CYYR1: variants seen among roughly 807,000 people sequenced by gnomAD.
CYYR1 encodes the protein cysteine and tyrosine-rich protein 1.
CYYR1 carries 14 observed loss-of-function variants against 15.2 expected under a neutral mutation model. The observed-to-expected ratio is 0.92, with a 90% CI of 0.61 to 1.44. CYYR1 has a LOEUF of 1.44. CYYR1 is among the 40% of genes most tolerant of loss of function. The pLI, the probability that CYYR1 is intolerant of heterozygous loss-of-function variation, is 0.00. For missense variants in CYYR1, 228 were observed against 209.5 expected (o/e 1.09, Z -0.54); for synonymous variants, 80 against 77.4 (o/e 1.03, Z -0.18).
At chr21:26,501,004 T>C (rs2065474192) in intron 2 of CYYR1, among the ~76,000 whole-genome samples, 1 of 152,146 alleles carries the variant, frequency 6.6e-6, no homozygotes, top group Non-Finnish European at 1.5e-5. Flanking sequence ...AGGATGGACA[T>C]TTCATCCAGG....
rs758940931 is a variant in CYYR1, at chr21:26,573,013, A to G, written c.-73T>C. 6.2e-7 allele frequency: 1 copy of G among 1,610,822 alleles called. No individual in the cohort carries two copies. The highest frequency in any genetic ancestry group is 8.5e-7 in the Non-Finnish European group (1 of 1,178,532). On this transcript the variant is annotated 5_prime_UTR_variant, in exon 1 of 4. Coordinates refer to ENST00000652641, the MANE Select transcript of CYYR1 (RefSeq NM_001320768.2). ...GAGGGAATGGGGAGGATGGAGGGCG[A>G]TCAGATGGAGAGAGCAGCGCTCCTG...
rs538309832 is a variant in CYYR1 at position 26,509,045 on chromosome 21, C to A, written c.177-28616G>T. On this transcript the variant is annotated intron_variant, in intron 2 of 3. Transcript: ENST00000652641. ...AAAACAGTCCTCTAAAAATAGAAATCAAACCATATTGCTACACTGCATCAC... is the reference window on the plus strand; with the variant it reads ...AAAACAGTCCTCTAAAAATAGAAATAAAACCATATTGCTACACTGCATCAC... 1.4e-4 allele frequency among the ~76,000 whole-genome samples: 21 copies of A among 152,286 alleles called. 1 individual carries two copies. The South Asian group carries it at 4.4e-3, about 32-fold the overall frequency.
In CYYR1 at chr21:26,480,380, C is replaced by A. The variant is rs752138715; in HGVS notation, c.226G>T (p.Val76Phe). ...IVFGIVFIMG[V>F]IAGIAICICM... ...ATGCATATGGCAATCCCAGCAATGACCCCCATGATAAATACTATTCCAAAA... is the reference window on the plus strand; with the variant it reads ...ATGCATATGGCAATCCCAGCAATGAACCCCATGATAAATACTATTCCAAAA... Residue 76 changes from valine (V) to phenylalanine (F), a missense_variant, in exon 3 of 4, where the codon GTC becomes TTC. Physicochemically the swap from Val to Phe is conservative, Grantham distance 50. Transcript: ENST00000652641. 1 of 1,613,432 alleles carries A rather than the reference C, an allele frequency of 6.2e-7. No individual in the cohort carries two copies. Among genetic ancestry groups the A allele is most frequent in the Non-Finnish European group, 8.5e-7 (1 of 1,179,630 alleles).
chr21:26,541,289 G>A, intron 2 of CYYR1, among the ~76,000 whole-genome samples: 1 of 152,054 alleles, frequency 6.6e-6, no homozygotes, highest in Non-Finnish European at 1.5e-5. Flanking sequence ...AGTATAAATA[G>A]AGAAAAGACA....
chr21:26,560,899 T>C (rs1040103749), intron 2 of CYYR1, among the ~76,000 whole-genome samples: 1 of 152,180 alleles, frequency 6.6e-6, no homozygotes, highest in African/African-American at 2.4e-5. Context: ...AAACTGTACA[T>C]AGCTGTAAGA....
intron 3 of CYYR1, chr21:26,478,109 A>G: frequency 3.2e-6 from 5 of 1,549,756 alleles, no homozygotes; most frequent in Non-Finnish European, 3.5e-6. Flanking sequence ...AAATAGACCA[A>G]GATCTCTGCC....
At chr21:26,542,277 ATGTGTGTGTGTGCGTGTG>A (rs1978609039) in intron 2 of CYYR1, among the ~76,000 whole-genome samples, 1 of 128,260 alleles carries the variant, frequency 7.8e-6, no homozygotes, top group African/African-American at 3.0e-5. Context: ...GAGAGAGAAT[ATGTGTGTGTGTGCGTGTG>A]TGTGTGTGTG....
At chr21:26,533,396 A>G (rs2065957116) in intron 2 of CYYR1, among the ~76,000 whole-genome samples, 1 of 152,100 alleles carries the variant, frequency 6.6e-6, no homozygotes, top group African/African-American at 2.4e-5. Context: ...TGAAGGCCTG[A>G]GAACCAGGGG....
At chr21:26,558,407 A>T (rs1472071278) in intron 2 of CYYR1, among the ~76,000 whole-genome samples, 1 of 152,184 alleles carries the variant, frequency 6.6e-6, no homozygotes, top group Admixed American at 6.5e-5. Context: ...CTGGTCTCAA[A>T]TTCCTTGGCT....
At chr21:26,503,122 A>G (rs555077296) in intron 2 of CYYR1, among the ~76,000 whole-genome samples, 74 of 152,286 alleles carry the variant, frequency 4.9e-4, no homozygotes, top group Admixed American at 3.9e-4. Context: ...CCACAAAACA[A>G]TCAGTCTCTA....
intron 2 of CYYR1, among the ~76,000 whole-genome samples, chr21:26,506,910 A>G (rs1413534621): frequency 6.6e-6 from 1 of 152,192 alleles, no homozygotes; most frequent in Non-Finnish European, 1.5e-5. Flanking sequence ...CTGATCACAG[A>G]GAAAGTAGAA....
At chr21:26,472,609 G>T (rs1469145234) in intron 3 of CYYR1, among the ~76,000 whole-genome samples, 8 of 151,772 alleles carry the variant, frequency 5.3e-5, no homozygotes, top group African/African-American at 1.7e-4. Context: ...ATTTTTTGTT[G>T]TTGCTCTGGA....
chr21:26,566,239 G>A, intron 2 of CYYR1, 27 bp downstream of exon 2: 1 of 1,526,626 alleles, frequency 6.6e-7, no homozygotes, highest in Non-Finnish European at 9.1e-7. Context: ...AAGAGCATCA[G>A]TATTGCCAAA....
At chr21:26,504,512 T>C (rs909005665) in intron 2 of CYYR1, among the ~76,000 whole-genome samples, 4 of 152,164 alleles carry the variant, frequency 2.6e-5, no homozygotes, top group Admixed American at 2.0e-4. Flanking sequence ...TAAAAAATTA[T>C]TTAAAAATTT....
chr21:26,534,600 C>G (rs1182991667), intron 2 of CYYR1, among the ~76,000 whole-genome samples: 1 of 152,100 alleles, frequency 6.6e-6, no homozygotes, highest in East Asian at 1.9e-4. Context: ...GTATCGTTGC[C>G]ACTTAACCAC....
At chr21:26,570,381 A>T (rs978559455) in intron 1 of CYYR1, among the ~76,000 whole-genome samples, 1 of 152,186 alleles carries the variant, frequency 6.6e-6, no homozygotes, top group African/African-American at 2.4e-5. Flanking sequence ...GGCTTGAAGC[A>T]CTTGCTTAGA....
At chr21:26,478,153 A>G (rs1360951896) in intron 3 of CYYR1, 11 of 1,548,950 alleles carry the variant, frequency 7.1e-6, no homozygotes, top group Non-Finnish European at 8.7e-6. Context: ...GAGGAAATGA[A>G]CAATAAACAA....
At chr21:26,546,042 G>A (rs1978953815) in intron 2 of CYYR1, among the ~76,000 whole-genome samples, 2 of 152,064 alleles carry the variant, frequency 1.3e-5, no homozygotes, top group Admixed American at 1.3e-4. Context: ...TTTATTTTTT[G>A]AGCTCCTTTT....
At chr21:26,546,226 A>T (rs539768844) in intron 2 of CYYR1, among the ~76,000 whole-genome samples, 11 of 152,354 alleles carry the variant, frequency 7.2e-5, no homozygotes, top group African/African-American at 2.6e-4. Flanking sequence ...TTGTTAGCAA[A>T]TTTGAGAAAA....
Sources: allele counts gnomAD v4.1 joint callset (sites outside exome capture counted in the v4.1 genomes callset), GRCh38; gene constraint gnomAD v4.1.1; transcripts MANE v1.5; gene names NCBI Gene and HGNC (gene_info 2026-07-23, HGNC 2026-07-21).